Variants in AQR observed in about 807,000 individuals in gnomAD.
AQR encodes the protein RNA helicase aquarius.
Under a neutral mutation model 180.5 loss-of-function variants are expected in AQR, and 61 were observed. The observed-to-expected ratio is 0.34, with a 90% CI of 0.28 to 0.42. The LOEUF is 0.42. Among genes scored for constraint, AQR ranks in the 10% least tolerant of loss-of-function variants. AQR has a pLI of 1.00. For synonymous variants in AQR, 551 were observed against 588.8 expected (o/e 0.94, Z 0.93); for missense variants, 1,281 against 1,798.3 (o/e 0.71, Z 5.20).
intron 30 of AQR, 47 bp downstream of exon 30, chr15:34,873,781 A>G: frequency 6.8e-7 from 1 of 1,463,528 alleles, no homozygotes; most frequent in Non-Finnish European, 9.1e-7. Context: ...GGCATATGTC[A>G]GCCAGCAAAT....
At chr15:34,892,846 G>GT (rs1893171403) in intron 23 of AQR, among the ~76,000 whole-genome samples, 1 of 152,148 alleles carries the variant, frequency 6.6e-6, no homozygotes, top group African/African-American at 2.4e-5. Flanking sequence ...AAATAAGAGT[G>GT]ATAAACAGAA....
chr15:34,948,796 CAA>C (rs761369190), intron 4 of AQR, among the ~76,000 whole-genome samples: 12 of 91,674 alleles, frequency 1.3e-4, no homozygotes, highest in Admixed American at 6.1e-4. Context: ...GACTCCATCT[CAA>C]AAAAAAAAAA....
At chr15:34,963,661 C>CTTTTTCTTTTTTT (rs2050293454) in intron 2 of AQR, among the ~76,000 whole-genome samples, 1 of 148,602 alleles carries the variant, frequency 6.7e-6, no homozygotes, top group African/African-American at 2.5e-5. Context: ...TACACGTACA[C>CTTTTTCTTTTTTT]TTTTTTTTTT....
intron 15 of AQR, 133 bp downstream of exon 15, chr15:34,918,125 T>G: frequency 1.1e-6 from 1 of 918,162 alleles, no homozygotes; most frequent in Non-Finnish European, 1.6e-6. Context: ...GCTTCTAAAG[T>G]TAACTTCTGG....
chr15:34,932,416 G>A lies in AQR; in HGVS notation c.802C>T (p.Arg268Cys). 1.3e-6 allele frequency: 2 copies of A among 1,599,370 alleles called. No homozygotes were observed. Among genetic ancestry groups the A allele is most frequent in the African/African-American group, 1.4e-5 (1 of 74,068 alleles). ...TCATCCAGGATGGTATTAAACCAGC[G>A]CCTTGTGGGTAGCAGGGCCTGGGAA... ...IDLEALLPTR[R>C]WFNTILDDSH... The change falls in exon 11 of 35, where the codon CGC (arginine) becomes TGC (cysteine). Residue 268 changes from arginine (R) to cysteine (C), a missense_variant. Around this residue, in one of 9 missense-constraint regions of AQR, gnomAD observed 404 missense variants for 490.9 expected, o/e 0.82. Coordinates refer to ENST00000156471, the MANE Select transcript of AQR (RefSeq NM_014691.3).
chr15:34,908,010 T>C (rs1474166863), intron 17 of AQR, among the ~76,000 whole-genome samples: 1 of 152,214 alleles, frequency 6.6e-6, no homozygotes, highest in Non-Finnish European at 1.5e-5. Flanking sequence ...CTGGAGCAAA[T>C]CTGGCATTTC....
intron 3 of AQR, among the ~76,000 whole-genome samples, chr15:34,955,695 G>A (rs1894302307): frequency 6.6e-6 from 1 of 152,140 alleles, no homozygotes; most frequent in African/African-American, 2.4e-5. Flanking sequence ...ATTACCTGAG[G>A]TCAGGAGTTA....
At chr15:34,888,348 C>T (rs1034581310) in intron 24 of AQR, among the ~76,000 whole-genome samples, 1 of 151,422 alleles carries the variant, frequency 6.6e-6, no homozygotes, top group Admixed American at 6.6e-5. Context: ...CAATTAAACT[C>T]TACTATCTGC....
intron 17 of AQR, among the ~76,000 whole-genome samples, chr15:34,908,796 TAG>T (rs1361868834): frequency 3.8e-4 from 58 of 152,306 alleles, no homozygotes; most frequent in Non-Finnish European, 2.4e-4. Flanking sequence ...TAAATTCCTA[TAG>T]AGTCCTTTAA....
chr15:34,925,759 G>A (rs1353084353), intron 13 of AQR, among the ~76,000 whole-genome samples: 1 of 152,040 alleles, frequency 6.6e-6, no homozygotes, highest in African/African-American at 2.4e-5. Flanking sequence ...CTTGAACCCA[G>A]GAGGCAGAGG....
chr15:34,863,706 C>A (rs1329766562), intron 32 of AQR, among the ~76,000 whole-genome samples: 1 of 152,244 alleles, frequency 6.6e-6, no homozygotes, highest in Non-Finnish European at 1.5e-5. Context: ...GATCAAACTA[C>A]ACATGTAGCT....
chr15:34,920,834 T>G (rs1377668850), intron 13 of AQR, among the ~76,000 whole-genome samples: 1 of 152,032 alleles, frequency 6.6e-6, no homozygotes, highest in East Asian at 1.9e-4. Flanking sequence ...GGCGGGCGCC[T>G]GTAGTCCCAG....
chr15:34,861,119 C>A (rs1892665546), intron 33 of AQR, among the ~76,000 whole-genome samples: 1 of 151,994 alleles, frequency 6.6e-6, no homozygotes, highest in South Asian at 2.1e-4. Flanking sequence ...AAAAAACATA[C>A]CCCAAAAAAG....
At chr15:34,937,662 C>A (rs1214419999) in intron 9 of AQR, among the ~76,000 whole-genome samples, 1 of 151,682 alleles carries the variant, frequency 6.6e-6, no homozygotes, top group African/African-American at 2.4e-5. Context: ...GGCAGGCAGA[C>A]TGCCTGAGGT....
At chr15:34,927,535 C>T (rs1893782672) in intron 12 of AQR, among the ~76,000 whole-genome samples, 3 of 152,182 alleles carry the variant, frequency 2.0e-5, no homozygotes, top group Admixed American at 1.3e-4. Flanking sequence ...GAAGGAGAGA[C>T]CAAAAAACTT....
chr15:34,876,042 A>T (rs1394589638), intron 27 of AQR, 36 bp from the exon 28 acceptor site: 4 of 1,515,892 alleles, frequency 2.6e-6, no homozygotes, highest in Non-Finnish European at 3.7e-6. Flanking sequence ...AAGACAGCTT[A>T]AAAGTCAAAC....
chr15:34,910,089 C>T, intron 17 of AQR, 46 bp downstream of exon 17: 1 of 1,596,404 alleles, frequency 6.3e-7, no homozygotes, highest in Non-Finnish European at 8.6e-7. Context: ...AGTGAAAGTT[C>T]ATAACAAGGC....
At chr15:34,911,863 A>G (rs1893504674) in intron 16 of AQR, among the ~76,000 whole-genome samples, 1 of 151,762 alleles carries the variant, frequency 6.6e-6, no homozygotes, top group African/African-American at 2.4e-5. Context: ...AATCATTGCC[A>G]AGACAAATGT....
At chr15:34,938,539 T>A (rs562362058) in intron 9 of AQR, among the ~76,000 whole-genome samples, 198 bp downstream of exon 9, 1 of 151,890 alleles carries the variant, frequency 6.6e-6, no homozygotes, top group Admixed American at 6.6e-5. Context: ...TCTCAAAAAA[T>A]AAATAAATAA....
Sources: gnomAD v4.1 joint callset for allele counts (sites outside exome capture counted in the v4.1 genomes callset) on GRCh38, gnomAD v4.1.1 for gene constraint, gnomAD v4.1.1 regional missense constraint, MANE v1.5 for transcripts, NCBI Gene and HGNC (gene_info 2026-07-23, HGNC 2026-07-21) for gene names.